ATP2A1: variants seen among roughly 807,000 people sequenced by gnomAD.
ATP2A1 encodes the protein ATPase sarcoplasmic/endoplasmic reticulum Ca2+ transporting 1.
In ATP2A1, 83 loss-of-function variants were observed where a neutral mutation model predicts 109.5. The observed-to-expected ratio is 0.76, with a 90% CI of 0.63 to 0.91. The LOEUF (loss-of-function observed/expected upper bound fraction) is 0.91, where lower values mean the gene tolerates loss of function less well. ATP2A1 is among the 40% of genes least tolerant of loss of function. The probability of loss-of-function intolerance (pLI) is 0.00; values close to 1 mark genes in which losing one functional copy is unlikely to be tolerated. For synonymous variants in ATP2A1, 505 were observed against 537.6 expected (o/e 0.94, Z 0.84); for missense variants, 1,101 against 1,341.0 (o/e 0.82, Z 2.80).
chr16:28,893,330 C>G (rs1251126770), intron 9 of ATP2A1, among the ~76,000 whole-genome samples: 1 of 151,812 alleles, frequency 6.6e-6, no homozygotes, highest in Non-Finnish European at 1.5e-5. Context: ...CACTTGAGCC[C>G]GGGAGGTTGA....
intron 22 of ATP2A1, 101 bp from the exon 23 acceptor site, chr16:28,904,079 G>A: frequency 8.9e-7 from 1 of 1,128,098 alleles, no homozygotes; most frequent in East Asian, 2.3e-5. Context: ...AGGGTGGTAA[G>A]CTTCTGAGCC....
rs1232585270 is a variant in ATP2A1, at chr16:28,903,260, G to C, written c.2863-63G>C. The C allele has an allele frequency of 1.9e-6, 3 of 1,571,212 alleles. No homozygotes were observed. The Admixed American group carries it at 5.0e-5, about 26-fold the overall frequency. On this transcript the variant is annotated intron_variant, in intron 20 of 22. Coordinates refer to ENST00000395503, the MANE Select transcript of ATP2A1 (RefSeq NM_004320.6). The surrounding 1 kb of genome is among the most constrained non-coding windows in gnomAD (Gnocchi z 5.6). ...TGGGAGGCTGGTGGGAGTGGGCTGG[G>C]CAGTGCTGGTCTCTGGCTCCCTCCC...
intron 4 of ATP2A1, among the ~76,000 whole-genome samples, chr16:28,881,894 A>G (rs945323898): frequency 6.6e-6 from 1 of 151,340 alleles, no homozygotes; most frequent in African/African-American, 2.4e-5. Context: ...TGACAGGTCC[A>G]GGACAGCATC....
intron 3 of ATP2A1, 55 bp downstream of exon 3, chr16:28,879,638 C>T: frequency 3.2e-6 from 5 of 1,558,108 alleles, no homozygotes; most frequent in Non-Finnish European, 4.4e-6. Flanking sequence ...TGGGATCGGG[C>T]GAATGCGGGG....
intron 12 of ATP2A1, among the ~76,000 whole-genome samples, chr16:28,895,511 C>T (rs1963896437): frequency 6.6e-6 from 1 of 151,964 alleles, no homozygotes; most frequent in South Asian, 2.1e-4. Flanking sequence ...GCAAAATGCT[C>T]ATTGCTACTT....
intron 4 of ATP2A1, among the ~76,000 whole-genome samples, 161 bp from the exon 5 acceptor site, chr16:28,882,290 C>T (rs996979727): frequency 1.3e-5 from 2 of 151,922 alleles, no homozygotes; most frequent in East Asian, 1.9e-4. Context: ...TGTTCCCTCC[C>T]CAAAACCCTC....
In ATP2A1 at chr16:28,880,521, A is replaced by G. The variant is rs1963437992; in HGVS notation, c.220-394A>G. Among the ~76,000 whole-genome samples, 1 of 152,048 alleles carries G rather than the reference A, an allele frequency of 6.6e-6. No individual in the cohort carries two copies. The highest frequency in any genetic ancestry group is 1.5e-5 in the Non-Finnish European group (1 of 68,000). ...AGCTTCCCTGCCTTGGCCGAGGGGG[A>G]GGGCTGCGGGGGCCAGACCGCCTGC... On this transcript the variant is annotated intron_variant, in intron 3 of 22. Transcript: ENST00000395503. This position sits in a 1 kb window ranked among gnomAD's most constrained non-coding sequence, Gnocchi z 4.2.
Position 28,903,760 on chromosome 16 carries a change from C to A in ATP2A1, c.*37+19C>A. On this transcript the variant is annotated intron_variant, in intron 22 of 22. Coordinates refer to ENST00000395503, the MANE Select transcript of ATP2A1 (RefSeq NM_004320.6). This position sits in a 1 kb window ranked among gnomAD's most constrained non-coding sequence, Gnocchi z 5.6. ...GTCACAGGTATCACCCCCTTCTTGC[C>A]CTCAGCCCAGCTGCTGTGCCCCTGC... 6.2e-7 allele frequency: 1 copy of A among 1,611,844 alleles called. No individual in the cohort carries two copies. The highest frequency in any genetic ancestry group is 8.5e-7 in the Non-Finnish European group (1 of 1,177,966).
chr16:28,904,221 G>T lies in ATP2A1; in HGVS notation c.*79G>T, dbSNP rs1486789441. On this transcript the variant is annotated 3_prime_UTR_variant, in exon 23 of 23. Transcript: ENST00000395503. ...AAGGAAGTGAGCATCCTTTTGCTCTGTCCTCCCCACCCCGATAGTGACACA... is the reference window on the plus strand; with the variant it reads ...AAGGAAGTGAGCATCCTTTTGCTCTTTCCTCCCCACCCCGATAGTGACACA... 1.9e-6 allele frequency: 3 copies of T among 1,613,688 alleles called. No individual in the cohort carries two copies. The East Asian group carries it at 6.7e-5, about 36-fold the overall frequency.
chr16:28,903,058 A>AT lies in ATP2A1; in HGVS notation c.2774dup (p.Met925IlefsTer27), dbSNP rs398124555. The AT allele has an allele frequency of 1.2e-6, 2 of 1,613,304 alleles. No homozygotes were observed. The highest frequency in any genetic ancestry group is 1.7e-6 in the Non-Finnish European group (2 of 1,179,904). ...GTCCGAGAACCAGTCCCTGCTGCGG[A>AT]TGCCACCCTGGGTGAACATCTGGCT... On this transcript the variant is annotated frameshift_variant, in exon 20 of 23. Coordinates refer to ENST00000395503, the MANE Select transcript of ATP2A1 (RefSeq NM_004320.6). LOFTEE classifies it high-confidence loss of function. This position sits in a 1 kb window ranked among gnomAD's most constrained non-coding sequence, Gnocchi z 5.6.
Position 28,903,866 on chromosome 16 carries a change from C to A in ATP2A1, c.*37+125C>A. 1.0e-6 allele frequency: 1 copy of A among 969,810 alleles called. No homozygotes were observed. Among genetic ancestry groups the A allele is most frequent in the Non-Finnish European group, 1.6e-6 (1 of 610,512 alleles). The allele number at this position is 969,810 out of a possible 1,614,324, so 60.1% of individuals were successfully genotyped here. A position where few individuals can be genotyped will look rare whatever the true frequency, so the allele number is the denominator to read the frequency against. On this transcript the variant is annotated intron_variant, in intron 22 of 22. Coordinates refer to ENST00000395503, the MANE Select transcript of ATP2A1 (RefSeq NM_004320.6). This position sits in a 1 kb window ranked among gnomAD's most constrained non-coding sequence, Gnocchi z 5.6. The stretch of plus-strand genomic sequence containing the variant: ...GCTCCACCTGGAGCCGTTGCCACTG[C>A]TGCTGCTGCGCTTCCAGTCAGGGTG...
In ATP2A1 at chr16:28,898,029, C is replaced by G; in HGVS notation, c.1449C>G (p.Phe483Leu). Reference protein sequence around the residue: ...SVIRQLMKKEFTLEFSRDRKS... With the variant: ...SVIRQLMKKELTLEFSRDRKS... The stretch of plus-strand genomic sequence containing the variant: ...TCCGCCAGCTAATGAAGAAGGAATT[C>G]ACCCTGGAGTTCTCCCGAGACAGAA... Residue 483 changes from phenylalanine (F) to leucine (L), a missense_variant, in exon 13 of 23, where the codon TTC (phenylalanine) becomes TTG (leucine). Transcript: ENST00000395503. The surrounding 1 kb of genome is among the most constrained non-coding windows in gnomAD (Gnocchi z 4.0). 1.2e-6 allele frequency: 2 copies of G among 1,614,202 alleles called. No individual in the cohort carries two copies. The highest frequency in any genetic ancestry group is 1.7e-6 in the Non-Finnish European group (2 of 1,180,026).
Position 28,902,433 on chromosome 16 carries a change from C to G in ATP2A1, c.2524+47C>G. On this transcript the variant is annotated intron_variant, in intron 17 of 22. Coordinates refer to ENST00000395503, the MANE Select transcript of ATP2A1 (RefSeq NM_004320.6). This position sits in a 1 kb window ranked among gnomAD's most constrained non-coding sequence, Gnocchi z 4.8. Reference sequence around the variant, plus strand: ...ATCCTCCCCACCCCTTGGGACTAACCCCCTCTCTGGGACACCAGCTCCCCC... The same window carrying G: ...ATCCTCCCCACCCCTTGGGACTAACGCCCTCTCTGGGACACCAGCTCCCCC... 6.2e-7 allele frequency: 1 copy of G among 1,602,142 alleles called. No individual in the cohort carries two copies. Among genetic ancestry groups the G allele is most frequent in the East Asian group, 2.2e-5 (1 of 44,650 alleles).
At chr16:28,901,781 A>C in intron 15 of ATP2A1, 82 bp from the exon 16 acceptor site, 1 of 1,230,868 alleles carries the variant, frequency 8.1e-7, no homozygotes, top group Non-Finnish European at 1.2e-6. Context: ...ACAGAGTGAG[A>C]CCTCATCCCT....
At position 28,904,366 on chromosome 16, in the gene ATP2A1, C is replaced by T; in HGVS notation, c.*224C>T. 2 of 1,541,080 alleles carry T rather than the reference C, an allele frequency of 1.3e-6. No homozygotes were observed. Among genetic ancestry groups the T allele is most frequent in the Non-Finnish European group, 1.7e-6 (2 of 1,148,748 alleles). On this transcript the variant is annotated 3_prime_UTR_variant, in exon 23 of 23. Coordinates refer to ENST00000395503, the MANE Select transcript of ATP2A1 (RefSeq NM_004320.6). ...CCTCGGCCACCCGCCTCCCTCTCAA[C>T]CTTGTAAATTCCCCTTCCCAACCCC...
At chr16:28,899,891 G>A (rs1019187747) in intron 14 of ATP2A1, among the ~76,000 whole-genome samples, 29 of 151,718 alleles carry the variant, frequency 1.9e-4, no homozygotes, top group Admixed American at 1.3e-4. Flanking sequence ...CTTGGGAGGT[G>A]GAGGTTGCAG....
chr16:28,888,727 G>A lies in ATP2A1; in HGVS notation c.929-60G>A. On this transcript the variant is annotated intron_variant, in intron 8 of 22. Coordinates refer to ENST00000395503, the MANE Select transcript of ATP2A1 (RefSeq NM_004320.6). ...GCTGGGGGCTACTATTTAGCCCCTT[G>A]CAGGTTCCCTCACACCCTCCCCTTG... The A allele has an allele frequency of 2.5e-6, 4 of 1,583,120 alleles. No homozygotes were observed. In the South Asian group the frequency reaches 4.5e-5, roughly 18 times the overall value.
Position 28,903,401 on chromosome 16 carries a change from G to C in ATP2A1, c.2941G>C (p.Asp981His). 5.0e-6 allele frequency: 8 copies of C among 1,613,968 alleles called. No individual in the cohort carries two copies. Among genetic ancestry groups the C allele is most frequent in the Non-Finnish European group, 5.9e-6 (7 of 1,179,946 alleles). ...GATCTCACTGCCAGTCATTGGGCTCGACGAAATCCTCAAGTTCGTTGCTCG... is the reference window on the plus strand; with the variant it reads ...GATCTCACTGCCAGTCATTGGGCTCCACGAAATCCTCAAGTTCGTTGCTCG... Reference protein sequence around the residue: ...LKISLPVIGLDEILKFVARNY... With the variant: ...LKISLPVIGLHEILKFVARNY... The change falls in exon 21 of 23, where the codon GAC (aspartate) becomes CAC (histidine). Residue 981 changes from aspartate (D) to histidine (H), a missense_variant. By Grantham distance (81) the Asp-to-His change is moderately conservative. Coordinates refer to ENST00000395503, the MANE Select transcript of ATP2A1 (RefSeq NM_004320.6). This position sits in a 1 kb window ranked among gnomAD's most constrained non-coding sequence, Gnocchi z 5.6.
rs775815693 is a variant in ATP2A1 at position 28,900,856 on chromosome 16, G to T, written c.2040G>T (p.Glu680Asp). Reference protein sequence around the residue: ...CRRACCFARVEPSHKSKIVEY... With the variant: ...CRRACCFARVDPSHKSKIVEY... The stretch of plus-strand genomic sequence containing the variant: ...GTGCCTGCTGCTTCGCCCGTGTGGA[G>T]CCCTCGCACAAGTCCAAGATTGTGG... The change falls in exon 15 of 23, where the codon GAG becomes GAT. Residue 680 changes from glutamate (E) to aspartate (D), a missense_variant. Transcript: ENST00000395503. The T allele has an allele frequency of 1.9e-6, 3 of 1,614,226 alleles. No individual in the cohort carries two copies. The Admixed American group carries it at 5.0e-5, about 27-fold the overall frequency.
Sources: allele counts gnomAD v4.1 joint callset (sites outside exome capture counted in the v4.1 genomes callset), GRCh38; gene constraint gnomAD v4.1.1; non-coding constraint Gnocchi (gnomAD v3.1); transcripts MANE v1.5; gene names NCBI Gene and HGNC (gene_info 2026-07-23, HGNC 2026-07-21).